DPP6: variants seen among roughly 807,000 people sequenced by gnomAD.
DPP6 encodes A-type potassium channel modulatory protein DPP6.
Under a neutral mutation model 122.6 loss-of-function variants are expected in DPP6, and 69 were observed. That is an observed-to-expected ratio of 0.56 (90% CI 0.46 to 0.69). The LOEUF (loss-of-function observed/expected upper bound fraction) is 0.69, where lower values mean the gene tolerates loss of function less well. Ranked by LOEUF, DPP6 falls within the 30% of genes least tolerant of loss-of-function variation. The pLI, the probability that DPP6 is intolerant of heterozygous loss-of-function variation, is 0.00. For synonymous variants in DPP6, 418 were observed against 433.1 expected (o/e 0.97, Z 0.43); for missense variants, 928 against 1,116.9 (o/e 0.83, Z 2.41).
intron 1 of DPP6, among the ~76,000 whole-genome samples, chr7:154,417,807 C>A (rs1007710039): frequency 6.6e-6 from 1 of 152,202 alleles, no homozygotes; most frequent in East Asian, 1.9e-4. Flanking sequence ...CTCTGTGCCA[C>A]CCTCATCGCC....
intron 1 of DPP6, among the ~76,000 whole-genome samples, chr7:153,959,632 C>T (rs1420803204): frequency 6.6e-6 from 1 of 152,214 alleles, no homozygotes; most frequent in Non-Finnish European, 1.5e-5. Flanking sequence ...TTTTTCTCAG[C>T]CTCCATAGAA....
chr7:154,542,710 C>A (rs1230998475), intron 4 of DPP6, among the ~76,000 whole-genome samples: 2 of 152,074 alleles, frequency 1.3e-5, no homozygotes, highest in South Asian at 2.1e-4. Context: ...TTATTAAGCA[C>A]CAAATATGTA....
At chr7:154,373,709 C>T (rs1336138061) in intron 1 of DPP6, among the ~76,000 whole-genome samples, 2 of 48,178 alleles carry the variant, frequency 4.2e-5, no homozygotes, top group Non-Finnish European at 5.3e-5. Context: ...CACTGCTGTG[C>T]AGGCATTTTC....
At chr7:154,805,067 G>A in intron 15 of DPP6, 103 bp downstream of exon 15, 1 of 1,455,196 alleles carries the variant, frequency 6.9e-7, no homozygotes, top group African/African-American at 1.4e-5. Flanking sequence ...CGGCAGCAAA[G>A]ACAGACCCCA....
At chr7:154,578,071 A>C (rs1831800535) in intron 5 of DPP6, among the ~76,000 whole-genome samples, 1 of 152,224 alleles carries the variant, frequency 6.6e-6, no homozygotes, top group Admixed American at 6.5e-5. Context: ...CAGCCATAGC[A>C]TTACCAGTAA....
At chr7:153,902,845 G>A (rs1799695948) in intron 1 of DPP6, among the ~76,000 whole-genome samples, 1 of 151,782 alleles carries the variant, frequency 6.6e-6, no homozygotes, top group Admixed American at 6.6e-5. Context: ...AAAAAAAAAA[G>A]TGCTTATAAT....
At chr7:154,706,558 C>A (rs1022452069) in intron 7 of DPP6, among the ~76,000 whole-genome samples, 6 of 152,204 alleles carry the variant, frequency 3.9e-5, no homozygotes, top group Admixed American at 2.6e-4. Context: ...CAGCCTTGGG[C>A]AGGGCCTGAT....
chr7:154,151,778 C>A (rs1250522533), intron 1 of DPP6, among the ~76,000 whole-genome samples: 1 of 152,000 alleles, frequency 6.6e-6, no homozygotes, highest in African/African-American at 2.4e-5. Flanking sequence ...CTCCTATTAA[C>A]ATCATGCTCC....
chr7:154,553,658 T>C (rs958599246), intron 4 of DPP6, among the ~76,000 whole-genome samples: 2 of 152,144 alleles, frequency 1.3e-5, no homozygotes, highest in African/African-American at 4.8e-5. Context: ...GTCAGCTTTG[T>C]CTAGTTCCAA....
intron 1 of DPP6, among the ~76,000 whole-genome samples, chr7:154,213,003 C>G (rs1396229647): frequency 6.6e-6 from 1 of 152,100 alleles, no homozygotes; most frequent in African/African-American, 2.4e-5. Context: ...TTGGAGCACA[C>G]CATGTTGGCA....
intron 1 of DPP6, among the ~76,000 whole-genome samples, chr7:154,245,631 G>A (rs1801928656): frequency 4.9e-5 from 2 of 41,054 alleles, no homozygotes; most frequent in South Asian, 7.1e-4. Context: ...GAGTAAGACT[G>A]TCTCAAAAAA....
At chr7:153,994,911 G>T (rs1797353529) in intron 1 of DPP6, among the ~76,000 whole-genome samples, 1 of 152,156 alleles carries the variant, frequency 6.6e-6, no homozygotes, top group African/African-American at 2.4e-5. Flanking sequence ...CAGACATTTG[G>T]ACTCCCTTAG....
At chr7:154,876,399 C>G (rs1270490280) in intron 20 of DPP6, 2 of 336,318 alleles carry the variant, frequency 5.9e-6, no homozygotes, top group Non-Finnish European at 1.0e-5. Flanking sequence ...TGGTCACTGA[C>G]CCGGGCCAGT....
chr7:154,300,318 A>C (rs1229199388), intron 1 of DPP6, among the ~76,000 whole-genome samples: 1 of 152,206 alleles, frequency 6.6e-6, no homozygotes. Context: ...CCACGAGAGT[A>C]CTTAGCTGCA....
chr7:154,279,739 C>A (rs1026530468), intron 1 of DPP6, among the ~76,000 whole-genome samples: 1 of 152,164 alleles, frequency 6.6e-6, no homozygotes, highest in African/African-American at 2.4e-5. Flanking sequence ...GGATTGAATG[C>A]GTTGCCTTTT....
At chr7:153,917,347 T>C (rs1314685444) in intron 1 of DPP6, among the ~76,000 whole-genome samples, 1 of 152,218 alleles carries the variant, frequency 6.6e-6, no homozygotes, top group Non-Finnish European at 1.5e-5. Context: ...GCTACGTTTT[T>C]CCAGCATTTA....
chr7:154,637,382 T>C (rs1286928193), intron 5 of DPP6, among the ~76,000 whole-genome samples: 2 of 152,192 alleles, frequency 1.3e-5, no homozygotes, highest in East Asian at 3.9e-4. Flanking sequence ...ATATTGCAAC[T>C]CACTGAAGAC....
At chr7:154,844,559 T>A (rs1002753657) in intron 16 of DPP6, among the ~76,000 whole-genome samples, 2 of 152,236 alleles carry the variant, frequency 1.3e-5, no homozygotes, top group Non-Finnish European at 2.9e-5. Context: ...GATGTTTTCC[T>A]GAATTATTTG....
chr7:154,492,664 G>T (rs902178068), intron 3 of DPP6, among the ~76,000 whole-genome samples: 2 of 152,156 alleles, frequency 1.3e-5, no homozygotes, highest in African/African-American at 2.4e-5. Flanking sequence ...TGAGGAAACT[G>T]AAGGTTAGAA....
Sources: gnomAD v4.1 joint callset for allele counts (sites outside exome capture counted in the v4.1 genomes callset) on GRCh38, gnomAD v4.1.1 for gene constraint, MANE v1.5 for transcripts, NCBI Gene and HGNC (gene_info 2026-07-23, HGNC 2026-07-21) for gene names.